PITPNM3: variants seen among roughly 807,000 people sequenced by gnomAD.
PITPNM3 encodes PITPNM family member 3.
In PITPNM3, 26 loss-of-function variants were observed where a neutral mutation model predicts 102.0. That is an observed-to-expected ratio of 0.25 (90% confidence interval 0.19 to 0.35). The LOEUF is 0.35. PITPNM3 is among the 10% of genes least tolerant of loss of function. The pLI is 1.00. For missense variants in PITPNM3, 1,083 were observed against 1,346.1 expected, an observed-to-expected ratio of 0.80 and a Z score of 3.06; for synonymous variants, 578 against 558.6, an observed-to-expected ratio of 1.03 and a Z score of -0.49.
chr17:6,554,561 C>T lies in PITPNM3; in HGVS notation c.22+1824G>A, dbSNP rs75944459. Reference sequence around the variant, plus strand: ...GTTAGAACAGCACAAGGCATTGATGCTCAGAGCAGGGCAGTTTTTCCACCT... The same window carrying T: ...GTTAGAACAGCACAAGGCATTGATGTTCAGAGCAGGGCAGTTTTTCCACCT... On this transcript the variant is annotated intron_variant, in intron 1 of 19. Transcript: ENST00000262483. Among the ~76,000 whole-genome samples, 1,278 of 152,248 alleles carry T rather than the reference C, an allele frequency of 8.4e-3. 16 individuals are homozygous for T. Among genetic ancestry groups the T allele is most frequent in the African/African-American group, 0.028 (1,178 of 41,536 alleles).
Position 6,478,490 on chromosome 17 carries a change from T to G in PITPNM3, c.777+57A>C. Reference sequence around the variant, plus strand: ...CCCTTTCAGTAGATTCCAGCCTCTCTCCCAGGCCGGGGCCGGAACAGGGGA... The same window carrying G: ...CCCTTTCAGTAGATTCCAGCCTCTCGCCCAGGCCGGGGCCGGAACAGGGGA... On this transcript the variant is annotated intron_variant, in intron 7 of 19. Transcript: ENST00000262483. This position sits in a 1 kb window ranked among gnomAD's most constrained non-coding sequence, Gnocchi z 4.4. 6.3e-7 allele frequency: 1 copy of G among 1,595,448 alleles called. No homozygotes were observed. The highest frequency in any genetic ancestry group is 1.1e-5 in the South Asian group (1 of 90,052).
At position 6,477,013 on chromosome 17, in the gene PITPNM3, G is replaced by C. The variant is rs1905338974; in HGVS notation, c.1085+16C>G. ...CTGAGCCAAGGTCTTCTTGCTTCTG[G>C]ACAGGGAGGGGCTACCTTGAGAGGA... is the stretch of plus-strand genomic sequence containing the variant. On this transcript the variant is annotated intron_variant, in intron 9 of 19. Transcript: ENST00000262483. The C allele has an allele frequency of 3.7e-6, 6 of 1,613,444 alleles. No individual in the cohort carries two copies. Among genetic ancestry groups the C allele is most frequent in the Non-Finnish European group, 5.1e-6 (6 of 1,179,828 alleles).
At chr17:6,465,302 T>G (rs111228793) in intron 14 of PITPNM3, among the ~76,000 whole-genome samples, 1 of 152,178 alleles carries the variant, frequency 6.6e-6, no homozygotes, top group African/African-American at 2.4e-5. Context: ...TACCTCGGAC[T>G]CCCAAAGTGC....
intron 3 of PITPNM3, among the ~76,000 whole-genome samples, chr17:6,511,681 G>A (rs1907870949): frequency 6.6e-6 from 1 of 152,170 alleles, no homozygotes; most frequent in Non-Finnish European, 1.5e-5. Flanking sequence ...CCTCAAGCCT[G>A]CAAAGAAAGG....
intron 3 of PITPNM3, among the ~76,000 whole-genome samples, chr17:6,519,520 G>GAA (rs113109836): frequency 2.4e-5 from 3 of 126,798 alleles, no homozygotes; most frequent in Admixed American, 8.1e-5. Flanking sequence ...CTCCGTCTCA[G>GAA]AAAAAAAAAA....
At chr17:6,509,706 G>A (rs141948345) in intron 3 of PITPNM3, among the ~76,000 whole-genome samples, 45 of 152,294 alleles carry the variant, frequency 3.0e-4, no homozygotes, top group African/African-American at 1.1e-3. Flanking sequence ...CCCCTGAGCT[G>A]CAGGTTGAGA....
chr17:6,513,370 T>C (rs1298873695), intron 3 of PITPNM3, among the ~76,000 whole-genome samples: 2 of 152,116 alleles, frequency 1.3e-5, no homozygotes, highest in Non-Finnish European at 2.9e-5. Flanking sequence ...AAACTACCTA[T>C]TCAAAGACGA....
intron 4 of PITPNM3, 32 bp downstream of exon 4, chr17:6,503,495 G>A (rs769014599): frequency 1.6e-5 from 26 of 1,609,800 alleles, no homozygotes; most frequent in Non-Finnish European, 2.2e-5. Context: ...CCAAGGGGAA[G>A]AAATGACCCC....
chr17:6,479,488 C>G (rs1301896226), intron 6 of PITPNM3: 1 of 152,574 alleles, frequency 6.6e-6, no homozygotes, highest in African/African-American at 2.4e-5. Flanking sequence ...CCTCTGCCCC[C>G]ATCTCTGCTT....
intron 2 of PITPNM3, among the ~76,000 whole-genome samples, chr17:6,531,229 G>T (rs1193823098): frequency 2.0e-5 from 3 of 152,212 alleles, no homozygotes; most frequent in Non-Finnish European, 4.4e-5. Flanking sequence ...CATACATTTT[G>T]CTATAAAAAC....
chr17:6,509,992 AC>A (rs1362215710), intron 3 of PITPNM3, among the ~76,000 whole-genome samples: 16 of 129,272 alleles, frequency 1.2e-4, no homozygotes. Flanking sequence ...TCCACACCTC[AC>A]CCCCAGCCCA....
chr17:6,470,365 C>T lies in PITPNM3; in HGVS notation c.1668G>A (p.Leu556=). 1 of 1,614,204 alleles carries T rather than the reference C, an allele frequency of 6.2e-7. No homozygotes were observed. The highest frequency in any genetic ancestry group is 1.1e-5 in the South Asian group (1 of 91,084). ...AGGCCGTGAGGACATCAGGGCAGTA[C>T]AGGGCATAGTCGATCCTCTTGCTTC... ...WWGSKRIDYA[L]YCPDVLTAFP... is the part of the protein sequence containing the mutation. The change falls in exon 13 of 20, where the codon CTG becomes CTA. Residue 556 remains leucine (L), a synonymous_variant. Transcript: ENST00000262483. This position sits in a 1 kb window ranked among gnomAD's most constrained non-coding sequence, Gnocchi z 4.8.
chr17:6,495,266 G>T (rs1906730880), intron 4 of PITPNM3, among the ~76,000 whole-genome samples: 2 of 152,094 alleles, frequency 1.3e-5, no homozygotes, highest in East Asian at 3.9e-4. Flanking sequence ...TTTTCTAAGT[G>T]CATGTAGCAG....
chr17:6,467,162 C>T (rs1242780374), intron 14 of PITPNM3, among the ~76,000 whole-genome samples: 2 of 151,342 alleles, frequency 1.3e-5, no homozygotes, highest in African/African-American at 4.9e-5. Flanking sequence ...CATCTCCATA[C>T]AACGGAATAT....
rs1404341288 is a variant in PITPNM3, at chr17:6,477,956, T to C, written c.900+19A>G. ...TCCTATGGGCATACCCCTCCCGCGG[T>C]CCTGTCCCCCGGCTGTACCTGGGTG... On this transcript the variant is annotated intron_variant, in intron 8 of 19. Transcript: ENST00000262483. The C allele has an allele frequency of 1.9e-6, 3 of 1,610,710 alleles. No homozygotes were observed. The highest frequency in any genetic ancestry group is 1.7e-5 in the Admixed American group (1 of 59,998).
At position 6,537,100 on chromosome 17, in the gene PITPNM3, A is replaced by T. The variant is rs141376577; in HGVS notation, c.118+887T>A. 1.3e-5 allele frequency among the ~76,000 whole-genome samples: 2 copies of T among 151,882 alleles called. No homozygotes were observed. Among genetic ancestry groups the T allele is most frequent in the African/African-American group, 4.8e-5 (2 of 41,368 alleles). ...TGGATGCCCCTTTCTTTCAATCCCA[A>T]CGTCAACAATGCTCCTTCCTATGTC... On this transcript the variant is annotated intron_variant, in intron 2 of 19. Transcript: ENST00000262483. This position sits in a 1 kb window ranked among gnomAD's most constrained non-coding sequence, Gnocchi z 4.4.
At position 6,461,671 on chromosome 17, in the gene PITPNM3, C is replaced by T. The variant is rs550375124; in HGVS notation, c.2307-115G>A. 3.1e-4 allele frequency: 383 copies of T among 1,240,274 alleles called. 2 individuals carry two copies. In the African/African-American group the frequency reaches 5.2e-3, roughly 17 times the overall value. The allele number at this position is 1,240,274 out of a possible 1,614,324, so 76.8% of individuals were successfully genotyped here. On this transcript the variant is annotated intron_variant, in intron 17 of 19. Coordinates refer to ENST00000262483, the MANE Select transcript of PITPNM3 (RefSeq NM_031220.4). Reference sequence around the variant, plus strand: ...AGACGTCAGAGGGACGAGTCTGAGGCGTGCTAGGGAGAACAAGGGGGACCC... The same window carrying T: ...AGACGTCAGAGGGACGAGTCTGAGGTGTGCTAGGGAGAACAAGGGGGACCC...
rs1408670596 is a variant in PITPNM3 at position 6,479,141 on chromosome 17, G to A, written c.588-405C>T. The A allele has an allele frequency of 2.1e-5, 4 of 192,198 alleles. No homozygotes were observed. The Admixed American group carries it at 2.1e-4, about 10-fold the overall frequency. The allele number at this position is 192,198 out of a possible 1,614,324, so 11.9% of individuals were successfully genotyped here. A position where few individuals can be genotyped will look rare whatever the true frequency, so the allele number is the denominator to read the frequency against. On this transcript the variant is annotated intron_variant, in intron 6 of 19. Transcript: ENST00000262483. Reference sequence around the variant, plus strand: ...CTGGAGGAGGTGGGGCTTGAACTAGGCCTCAAGAAAGGCTTTGGAGAAGCT... The same window carrying A: ...CTGGAGGAGGTGGGGCTTGAACTAGACCTCAAGAAAGGCTTTGGAGAAGCT...
At position 6,457,500 on chromosome 17, in the gene PITPNM3, A is replaced by AAATG. The variant is rs111564169; in HGVS notation, c.2619+90_2619+93dup. On this transcript the variant is annotated intron_variant, in intron 19 of 19. Transcript: ENST00000262483. This position sits in a 1 kb window ranked among gnomAD's most constrained non-coding sequence, Gnocchi z 4.7. ...TGAATGAGCAAATGGGGGAATGAAC[A>AAATG]AATGAATGAATGAATGAATGAAGTG... 39 of 1,568,628 alleles carry AAATG rather than the reference A, an allele frequency of 2.5e-5. No homozygotes were observed. Among genetic ancestry groups the AAATG allele is most frequent in the Admixed American group, 6.8e-5 (4 of 58,554 alleles).
Sources: allele counts gnomAD v4.1 joint callset (sites outside exome capture counted in the v4.1 genomes callset), GRCh38; gene constraint gnomAD v4.1.1; non-coding constraint Gnocchi (gnomAD v3.1); transcripts MANE v1.5; gene names NCBI Gene and HGNC (gene_info 2026-07-23, HGNC 2026-07-21).